DRC8: variants seen among roughly 807,000 people sequenced by gnomAD.
DRC8 encodes dynein regulatory complex protein 8.
the DRC8 span, among the ~76,000 whole-genome samples, chr1:244,998,907 T>G: frequency 6.6e-6 from 1 of 152,128 alleles, no homozygotes; most frequent in Non-Finnish European, 1.5e-5. Context: ...TGGCTGAGTA[T>G]AGGTCACATG....
chr1:245,105,001 T>C, the DRC8 span, among the ~76,000 whole-genome samples: 1 of 152,264 alleles, frequency 6.6e-6, no homozygotes, highest in African/African-American at 2.4e-5. Context: ...CCTGTAGAAT[T>C]GTCCGCACGT....
the DRC8 span, among the ~76,000 whole-genome samples, chr1:245,092,316 G>A: frequency 6.6e-6 from 1 of 152,352 alleles, no homozygotes; most frequent in African/African-American, 2.4e-5. Context: ...AAGGGCAGGA[G>A]TATTTTCTGT....
At chr1:245,093,558 C>T in the DRC8 span, among the ~76,000 whole-genome samples, 9 of 151,764 alleles carry the variant, frequency 5.9e-5, no homozygotes, top group African/African-American at 1.2e-4. Flanking sequence ...ATTAGCCAGG[C>T]GTGGTGGTGC....
chr1:245,062,416 C>T, the DRC8 span, among the ~76,000 whole-genome samples: 2 of 152,204 alleles, frequency 1.3e-5, no homozygotes, highest in East Asian at 1.9e-4. Flanking sequence ...AAAATCTTAC[C>T]GACATATAGG....
At chr1:244,979,576 G>A in the DRC8 span, among the ~76,000 whole-genome samples, 3 of 151,244 alleles carry the variant, frequency 2.0e-5, no homozygotes, top group African/African-American at 7.3e-5. Flanking sequence ...AAAGTACTAG[G>A]ATTACAGGTG....
chr1:245,049,779 A>G, the DRC8 span, among the ~76,000 whole-genome samples: 43,329 of 152,048 alleles, frequency 0.28, 6,402 homozygotes, highest in Middle Eastern at 0.35. The surrounding 1 kb of genome is among the most constrained non-coding windows in gnomAD (Gnocchi z 4.5). Context: ...CAAGTGCTTG[A>G]CTGAGATTTG....
chr1:245,043,206 C>T, the DRC8 span, among the ~76,000 whole-genome samples: 1 of 152,044 alleles, frequency 6.6e-6, no homozygotes, highest in Admixed American at 6.6e-5. Context: ...CCTAGGCGGG[C>T]GGATCACTTG....
At chr1:244,977,975 A>C in the DRC8 span, among the ~76,000 whole-genome samples, 1 of 152,144 alleles carries the variant, frequency 6.6e-6, no homozygotes, top group South Asian at 2.1e-4. Flanking sequence ...TAGCAGGGTG[A>C]TTAGACTTTT....
chr1:244,978,662 T>C, the DRC8 span, among the ~76,000 whole-genome samples: 2 of 152,078 alleles, frequency 1.3e-5, no homozygotes, highest in Admixed American at 1.3e-4. Flanking sequence ...ACTAACATTT[T>C]TATTTTTGGT....
the DRC8 span, among the ~76,000 whole-genome samples, chr1:245,001,275 G>C: frequency 1.3e-3 from 192 of 152,216 alleles, no homozygotes; most frequent in African/African-American, 4.4e-3. Flanking sequence ...AGACCATTTA[G>C]CCTATAAAGG....
At chr1:245,082,871 G>A in the DRC8 span, among the ~76,000 whole-genome samples, 1 of 151,890 alleles carries the variant, frequency 6.6e-6, no homozygotes, top group South Asian at 2.1e-4. Flanking sequence ...ACCATGCCTG[G>A]CTAATTTTTG....
the DRC8 span, among the ~76,000 whole-genome samples, chr1:244,990,865 T>G: frequency 1.3e-5 from 2 of 152,024 alleles, no homozygotes; most frequent in Non-Finnish European, 2.9e-5. Context: ...AGGATCTAGT[T>G]CTACTCAGTA....
chr1:244,986,885 C>T, the DRC8 span, among the ~76,000 whole-genome samples: 7 of 151,978 alleles, frequency 4.6e-5, no homozygotes, highest in African/African-American at 1.5e-4. Context: ...AGAGTCTAAA[C>T]GTTTTTGTGA....
the DRC8 span, among the ~76,000 whole-genome samples, chr1:245,009,531 G>A: frequency 1.4e-3 from 192 of 140,552 alleles, no homozygotes; most frequent in African/African-American, 4.8e-3. Context: ...GCGGTGGCAC[G>A]ATCTCTGCTC....
chr1:245,002,058 A>G, the DRC8 span: 33 of 1,318,846 alleles, frequency 2.5e-5, no homozygotes, highest in Non-Finnish European at 3.4e-5. Context: ...TTCATCACGT[A>G]ATCACTCATA....
the DRC8 span, among the ~76,000 whole-genome samples, chr1:245,059,670 A>G: frequency 6.6e-6 from 1 of 152,244 alleles, no homozygotes; most frequent in Non-Finnish European, 1.5e-5. Flanking sequence ...AACAAGTAAC[A>G]CAACTGATCA....
At chr1:245,017,266 A>G in the DRC8 span, 2 of 1,610,424 alleles carry the variant, frequency 1.2e-6, no homozygotes, top group Non-Finnish European at 8.5e-7. Context: ...GAATTTCACA[A>G]AAAAATCAAA....
At chr1:245,054,855 G>A in the DRC8 span, among the ~76,000 whole-genome samples, 1 of 152,202 alleles carries the variant, frequency 6.6e-6, no homozygotes. Context: ...CTGTCTCATG[G>A]ATGTTGGCAC....
chr1:245,087,234 G>A, the DRC8 span: 2 of 1,597,394 alleles, frequency 1.3e-6, no homozygotes, highest in Non-Finnish European at 1.7e-6. Flanking sequence ...TTTCCTTTTT[G>A]TCTCTCTGAG....
Sources: allele counts gnomAD v4.1 joint callset (sites outside exome capture counted in the v4.1 genomes callset), GRCh38; gene constraint gnomAD v4.1.1; non-coding constraint Gnocchi (gnomAD v3.1); transcripts MANE v1.5; gene names NCBI Gene and HGNC (gene_info 2026-07-23, HGNC 2026-07-21).